FAM185A: variants seen among roughly 807,000 people sequenced by gnomAD.
FAM185A encodes family with sequence similarity 185 member A.
A neutral mutation model predicts 45.7 loss-of-function variants in FAM185A; 21 were observed. The observed-to-expected ratio is 0.46, with a 90% CI of 0.33 to 0.66. The LOEUF (loss-of-function observed/expected upper bound fraction) is 0.66. Ranked by LOEUF, FAM185A falls within the 30% of genes least tolerant of loss-of-function variation. FAM185A has a pLI of 0.03. For synonymous variants in FAM185A, 117 were observed against 194.0 expected (o/e 0.60, Z 3.30); for missense variants, 305 against 485.4 (o/e 0.63, Z 3.49).
chr7:102,815,887 G>T, the FAM185A span, among the ~76,000 whole-genome samples: 1 of 152,206 alleles, frequency 6.6e-6, no homozygotes, highest in East Asian at 1.9e-4. Context: ...CAAGTAGTGG[G>T]GGTTTGAGAA....
intron 5 of FAM185A, 64 bp downstream of exon 5, chr7:102,772,514 A>C (rs923753048): frequency 1.7e-5 from 17 of 1,006,340 alleles, no homozygotes; most frequent in African/African-American, 3.5e-5. Flanking sequence ...ATTTGTGATG[A>C]CTTTATTAGA....
intron 7 of FAM185A, among the ~76,000 whole-genome samples, chr7:102,799,781 C>T (rs1348876710): frequency 6.6e-6 from 1 of 152,126 alleles, no homozygotes; most frequent in Non-Finnish European, 1.5e-5. Context: ...GCAGATTATA[C>T]TTAACACTTG....
At chr7:102,824,109 G>A in the FAM185A span, among the ~76,000 whole-genome samples, 1 of 152,210 alleles carries the variant, frequency 6.6e-6, no homozygotes, top group South Asian at 2.1e-4. Context: ...AGCTCATGTT[G>A]TTCAATGACT....
the FAM185A span, among the ~76,000 whole-genome samples, chr7:102,838,343 T>G: frequency 6.6e-6 from 1 of 152,182 alleles, no homozygotes; most frequent in East Asian, 1.9e-4. Context: ...GAACAGTACC[T>G]TGCACATAGT....
intron 2 of FAM185A, among the ~76,000 whole-genome samples, chr7:102,757,537 C>T (rs146492539): frequency 3.1e-3 from 440 of 141,844 alleles, no homozygotes; most frequent in Non-Finnish European, 4.1e-3. Context: ...TTATTGTCAT[C>T]TTCATCACTG....
At chr7:102,846,887 C>G in the FAM185A span, among the ~76,000 whole-genome samples, 1 of 152,180 alleles carries the variant, frequency 6.6e-6, no homozygotes, top group African/African-American at 2.4e-5. Flanking sequence ...TCAATGCTCA[C>G]TGACGGTGGC....
intron 7 of FAM185A, among the ~76,000 whole-genome samples, chr7:102,807,483 A>C (rs1219156698): frequency 6.6e-6 from 1 of 152,116 alleles, no homozygotes; most frequent in Non-Finnish European, 1.5e-5. Context: ...TGCTCATTGG[A>C]GTAATTTGGA....
chr7:102,787,043 A>C (rs1361950956), intron 6 of FAM185A, among the ~76,000 whole-genome samples: 1 of 152,168 alleles, frequency 6.6e-6, no homozygotes, highest in East Asian at 1.9e-4. Flanking sequence ...AGGTGTAGTA[A>C]ATTACTCACT....
At chr7:102,832,793 G>A in the FAM185A span, 2 of 1,610,492 alleles carry the variant, frequency 1.2e-6, no homozygotes, top group South Asian at 2.2e-5. Context: ...CTTGTCCCTT[G>A]GCAGTGCTTA....
At chr7:102,822,079 AGTT>A in the FAM185A span, 1 of 1,614,214 alleles carries the variant, frequency 6.2e-7, no homozygotes, top group Non-Finnish European at 8.5e-7. Flanking sequence ...AAGGATCCGG[AGTT>A]GTTTGCAGCC....
chr7:102,781,882 A>T (rs1328800985), intron 6 of FAM185A, among the ~76,000 whole-genome samples: 1 of 152,200 alleles, frequency 6.6e-6, no homozygotes, highest in African/African-American at 2.4e-5. Context: ...GTTTGAACCC[A>T]TGGCAAAGAA....
intron 3 of FAM185A, among the ~76,000 whole-genome samples, chr7:102,760,576 C>A (rs1009774232): frequency 2.0e-5 from 3 of 151,888 alleles, no homozygotes; most frequent in Admixed American, 2.0e-4. Flanking sequence ...TGTCCTTAAT[C>A]TGATAAAAAT....
At chr7:102,836,531 G>C in the FAM185A span, among the ~76,000 whole-genome samples, 2 of 152,174 alleles carry the variant, frequency 1.3e-5, no homozygotes, top group Non-Finnish European at 2.9e-5. Flanking sequence ...CTTGGAAAAT[G>C]CAACACTAAA....
downstream of FAM185A, among the ~76,000 whole-genome samples, chr7:102,810,919 T>G (rs535012055): frequency 2.0e-5 from 3 of 152,342 alleles, no homozygotes; most frequent in Admixed American, 2.0e-4. Flanking sequence ...TTTAGAGTTC[T>G]GTTTTTAACT....
the FAM185A span, chr7:102,834,742 T>C: frequency 5.3e-5 from 8 of 152,226 alleles, no homozygotes; most frequent in Admixed American, 1.3e-4. Flanking sequence ...AGATCTATTG[T>C]ATATGATGAC....
chr7:102,796,439 C>G (rs1179060369), intron 7 of FAM185A, among the ~76,000 whole-genome samples: 1 of 152,204 alleles, frequency 6.6e-6, no homozygotes, highest in Admixed American at 6.5e-5. Flanking sequence ...AAAAGGGAGT[C>G]TAGTCCCCAG....
At chr7:102,764,735 CTG>C (rs1275023926) in intron 4 of FAM185A, among the ~76,000 whole-genome samples, 4 of 149,950 alleles carry the variant, frequency 2.7e-5, no homozygotes, top group African/African-American at 7.4e-5. Context: ...AGAAAACAAA[CTG>C]AGAATATATG....
Position 102,779,801 on chromosome 7 carries a change from G to A in FAM185A, c.931+2453G>A, listed in dbSNP as rs568589908. ...CATCAGGATCGCCTAAGCTTGGGAGGTCAGCCTTCCAGGTAGATGAGACTA... is the reference window on the plus strand; with the variant it reads ...CATCAGGATCGCCTAAGCTTGGGAGATCAGCCTTCCAGGTAGATGAGACTA... On this transcript the variant is annotated intron_variant, in intron 6 of 7. Coordinates refer to ENST00000413034, the MANE Select transcript of FAM185A (RefSeq NM_001145268.2). The A allele has an allele frequency of 3.3e-5, 5 of 150,992 alleles. No homozygotes were observed. The East Asian group carries it at 5.9e-4, about 18-fold the overall frequency. 9.4% of individuals were successfully genotyped at this position (150,992 alleles called of 1,614,324 possible). A position where few individuals can be genotyped will look rare whatever the true frequency, so the allele number is the denominator to read the frequency against.
chr7:102,846,446 C>T, the FAM185A span, among the ~76,000 whole-genome samples: 1 of 152,020 alleles, frequency 6.6e-6, no homozygotes, highest in Non-Finnish European at 1.5e-5. Flanking sequence ...TGGTGAAACA[C>T]CATCTCTACT....
Sources: gnomAD v4.1 joint callset for allele counts (sites outside exome capture counted in the v4.1 genomes callset) on GRCh38, gnomAD v4.1.1 for gene constraint, MANE v1.5 for transcripts, NCBI Gene and HGNC (gene_info 2026-07-23, HGNC 2026-07-21) for gene names.